The following RANBP3 variants were observed in gnomAD, a reference collection of about 807,000 sequenced individuals.
RANBP3 encodes the protein RAN binding protein 3.
RANBP3 carries 14 observed loss-of-function variants against 77.3 expected under a neutral mutation model. The observed-to-expected ratio is 0.18, with a 90% CI of 0.12 to 0.28. RANBP3 has a LOEUF of 0.28. Ranked by LOEUF, RANBP3 falls within the 10% of genes least tolerant of loss-of-function variation. The pLI is 1.00. For missense variants in RANBP3, 586 were observed against 752.3 expected, an observed-to-expected ratio of 0.78 and a Z score of 2.59; for synonymous variants, 315 against 312.4, an observed-to-expected ratio of 1.01 and a Z score of -0.09.
chr19:5,976,976 G>A (rs1336929938), intron 1 of RANBP3, among the ~76,000 whole-genome samples: 1 of 152,190 alleles, frequency 6.6e-6, no homozygotes, highest in Non-Finnish European at 1.5e-5. Context: ...TCCTCATCAA[G>A]TGAATGGGGC....
Position 5,959,990 on chromosome 19 carries a change from T to G in RANBP3, c.23-2017A>C, listed in dbSNP as rs1490325240. 1.3e-5 allele frequency among the ~76,000 whole-genome samples: 2 copies of G among 152,086 alleles called. No homozygotes were observed. The highest frequency in any genetic ancestry group is 2.9e-5 in the Non-Finnish European group (2 of 68,000). ...CAGGCCTGACAAGAAGAGTCCCGCA[T>G]GCATCGTCTAACACATGGCACATGA... On this transcript the variant is annotated intron_variant, in intron 1 of 16. Coordinates refer to ENST00000340578, the MANE Select transcript of RANBP3 (RefSeq NM_007322.3). This position sits in a 1 kb window ranked among gnomAD's most constrained non-coding sequence, Gnocchi z 5.1.
At chr19:5,963,858 G>A (rs887429166) in intron 1 of RANBP3, among the ~76,000 whole-genome samples, 7 of 152,096 alleles carry the variant, frequency 4.6e-5, no homozygotes, top group African/African-American at 1.7e-4. Context: ...CAGAACCCTC[G>A]TCCCATCTAG....
rs1033747533 is a variant in RANBP3, at chr19:5,916,881, G to T, written c.*729C>A. Reference sequence around the variant, plus strand: ...ATGACTTGGCCTGGAGGAACCTGGGGTGGGAAACAAGTAGTCCCCCAACCT... The same window carrying T: ...ATGACTTGGCCTGGAGGAACCTGGGTTGGGAAACAAGTAGTCCCCCAACCT... On this transcript the variant is annotated 3_prime_UTR_variant, in exon 17 of 17. Coordinates refer to ENST00000340578, the MANE Select transcript of RANBP3 (RefSeq NM_007322.3). 1 of 152,382 alleles carries T rather than the reference G, an allele frequency of 6.6e-6. No individual in the cohort carries two copies. Among genetic ancestry groups the T allele is most frequent in the African/African-American group, 2.4e-5 (1 of 41,460 alleles). 9.4% of individuals were successfully genotyped at this position (152,382 alleles called of 1,614,324 possible).
chr19:5,925,785 G>T, intron 9 of RANBP3, 48 bp from the exon 10 acceptor site: 1 of 1,495,402 alleles, frequency 6.7e-7, no homozygotes, highest in South Asian at 1.1e-5. Context: ...GGGGGTGCCT[G>T]GAGTTCCACA....
chr19:5,936,822 C>T (rs114900219), intron 5 of RANBP3, among the ~76,000 whole-genome samples: 3,109 of 152,084 alleles, frequency 0.02, 116 homozygotes, highest in African/African-American at 0.07. Context: ...TTGACACAAT[C>T]GATCAAGGAA....
chr19:5,932,968 G>A (rs2058014275), intron 6 of RANBP3: 1 of 267,946 alleles, frequency 3.7e-6, no homozygotes, highest in Non-Finnish European at 7.2e-6. Flanking sequence ...AAGGCAGATG[G>A]GACAAGGACC....
At chr19:5,957,491 G>T (rs370800250) in intron 2 of RANBP3, among the ~76,000 whole-genome samples, 1 of 151,986 alleles carries the variant, frequency 6.6e-6, no homozygotes, top group Non-Finnish European at 1.5e-5. Context: ...AGGCTTAAAG[G>T]TCTTGTTTCC....
chr19:5,924,932 G>C lies in RANBP3; in HGVS notation c.918-27C>G, dbSNP rs1198789978. 17 of 1,599,754 alleles carry C rather than the reference G, an allele frequency of 1.1e-5. No homozygotes were observed. The South Asian group carries it at 1.4e-4, about 13-fold the overall frequency. The stretch of plus-strand genomic sequence containing the variant: ...TGAAGAGAAGATGTGCAATGAGTGT[G>C]GGGCGTCACGTGGGAACGTGGCCAG... On this transcript the variant is annotated intron_variant, in intron 10 of 16. Coordinates refer to ENST00000340578, the MANE Select transcript of RANBP3 (RefSeq NM_007322.3). This position sits in a 1 kb window ranked among gnomAD's most constrained non-coding sequence, Gnocchi z 4.7.
intron 2 of RANBP3, among the ~76,000 whole-genome samples, chr19:5,954,222 G>A (rs1230799945): frequency 1.3e-5 from 2 of 152,142 alleles, no homozygotes; most frequent in East Asian, 1.9e-4. Context: ...GCACCCCATC[G>A]GGTGTGGTCT....
At chr19:5,930,495 G>T (rs2057974302) in intron 8 of RANBP3, among the ~76,000 whole-genome samples, 1 of 152,184 alleles carries the variant, frequency 6.6e-6, no homozygotes, top group African/African-American at 2.4e-5. Context: ...CTTCATCAAA[G>T]GCCCTTATTT....
At position 5,958,925 on chromosome 19, in the gene RANBP3, G is replaced by A. The variant is rs965574528; in HGVS notation, c.23-952C>T. 6.6e-6 allele frequency among the ~76,000 whole-genome samples: 1 copy of A among 152,248 alleles called. No individual in the cohort carries two copies. The highest frequency in any genetic ancestry group is 6.5e-5 in the Admixed American group (1 of 15,294). On this transcript the variant is annotated intron_variant, in intron 1 of 16. Coordinates refer to ENST00000340578, the MANE Select transcript of RANBP3 (RefSeq NM_007322.3). This position sits in a 1 kb window ranked among gnomAD's most constrained non-coding sequence, Gnocchi z 4.4. The stretch of plus-strand genomic sequence containing the variant: ...GCGGGCTGCGCACTGGTGCCTCCGC[G>A]TTGAGCAGGGTTTGGGAAGAGCCCT...
Position 5,937,056 on chromosome 19 carries a change from C to CAAAAAAAAAAAAAA in RANBP3, c.407-3591_407-3578dup, listed in dbSNP as rs71172783. On this transcript the variant is annotated intron_variant, in intron 5 of 16. Coordinates refer to ENST00000340578, the MANE Select transcript of RANBP3 (RefSeq NM_007322.3). ...GGGCAACAGAGCAAGACTCTGTCTC[C>CAAAAAAAAAAAAAA]AAAAAAAAAAAAAAAAAAAAAAAAA... Among the ~76,000 whole-genome samples the CAAAAAAAAAAAAAA allele has an allele frequency of 6.7e-3, 249 of 37,178 alleles. 21 individuals carry two copies. The highest frequency in any genetic ancestry group is 0.045 in the Middle Eastern group (1 of 22). The allele number at this position is 37,178 out of a possible 152,430, so 24.4% of individuals were successfully genotyped here. A position where few individuals can be genotyped will look rare whatever the true frequency, so the allele number is the denominator to read the frequency against.
At position 5,958,725 on chromosome 19, in the gene RANBP3, C is replaced by G. The variant is rs1173559377; in HGVS notation, c.23-752G>C. On this transcript the variant is annotated intron_variant, in intron 1 of 16. Transcript: ENST00000340578. This position sits in a 1 kb window ranked among gnomAD's most constrained non-coding sequence, Gnocchi z 4.4. ...GCACAGGAAGCACAGATGAGGACTG[C>G]CTCGACCCCACGAGGAGGCGCAGAC... 6.6e-6 allele frequency among the ~76,000 whole-genome samples: 1 copy of G among 152,266 alleles called. No individual in the cohort carries two copies. Among genetic ancestry groups the G allele is most frequent in the Non-Finnish European group, 1.5e-5 (1 of 68,050 alleles).
rs1293734802 is a variant in RANBP3, at chr19:5,932,547, A to G, written c.473-3T>C. 3.1e-6 allele frequency: 5 copies of G among 1,613,050 alleles called. No individual in the cohort carries two copies. The highest frequency in any genetic ancestry group is 4.2e-6 in the Non-Finnish European group (5 of 1,179,810). The stretch of plus-strand genomic sequence containing the variant: ...CTTGGGCTTCTGGCTTGGCAGACCT[A>G]GGAACAGAAGGCGGCCTTCCCAGTG... On this transcript the variant is annotated splice_polypyrimidine_tract_variant and splice_region_variant and intron_variant, in intron 6 of 16. Transcript: ENST00000340578.
rs575919236 is a variant in RANBP3, at chr19:5,931,504, C to A, written c.593G>T (p.Ser198Ile). The A allele has an allele frequency of 3.5e-5, 56 of 1,611,638 alleles. 1 individual carries two copies. In the South Asian group the frequency reaches 5.4e-4, roughly 16 times the overall value. Residue 198 changes from serine (S) to isoleucine (I), a missense_variant, in exon 8 of 17, where the codon AGC becomes ATC. Transcript: ENST00000340578. ...TGCCCCCGTGCAGTCTGCTGGGAGG[C>A]TGACCCCGTTGGTGCCACTGCTGGG... ...TVPSSGTNGV[S>I]LPADCTGAVP...
At chr19:5,940,748 T>C (rs1456212715) in intron 5 of RANBP3, among the ~76,000 whole-genome samples, 8 of 152,256 alleles carry the variant, frequency 5.3e-5, no homozygotes, top group African/African-American at 1.9e-4. Flanking sequence ...CACTCATGTA[T>C]GTCCAAGTTG....
chr19:5,967,703 T>C (rs993091785), intron 1 of RANBP3, among the ~76,000 whole-genome samples: 13 of 152,126 alleles, frequency 8.5e-5, no homozygotes, highest in East Asian at 1.9e-4. Context: ...CATAAAGTTA[T>C]ACAAAGTCAG....
intron 2 of RANBP3, among the ~76,000 whole-genome samples, chr19:5,956,689 G>A (rs1281971296): frequency 6.6e-6 from 1 of 151,992 alleles, no homozygotes; most frequent in Non-Finnish European, 1.5e-5. Context: ...ACACACACCC[G>A]ATCCCCACAG....
At position 5,957,941 on chromosome 19, in the gene RANBP3, A is replaced by G; in HGVS notation, c.55T>C (p.Phe19Leu). 1 of 1,614,242 alleles carries G rather than the reference A, an allele frequency of 6.2e-7. No homozygotes were observed. The change falls in exon 2 of 17, where the codon TTT becomes CTT. Residue 19 changes from phenylalanine (F) to leucine (L), a missense_variant. Around this residue, in one of 5 missense-constraint regions of RANBP3, gnomAD observed 172 missense variants for 183.4 expected, o/e 0.94. Coordinates refer to ENST00000340578, the MANE Select transcript of RANBP3 (RefSeq NM_007322.3). ...ACCTTTTGTCCTTTATCCTTCTGAA[A>G]CACAAAGACGGGCGGAGCAATGGCA... ...KPAIAPPVFV[F>L]QKDKGQKSPA... is the part of the protein sequence containing the mutation.
Sources: gnomAD v4.1 joint callset for allele counts (sites outside exome capture counted in the v4.1 genomes callset) on GRCh38, gnomAD v4.1.1 for gene constraint, gnomAD v4.1.1 regional missense constraint, Gnocchi (gnomAD v3.1) non-coding constraint, MANE v1.5 for transcripts, NCBI Gene and HGNC (gene_info 2026-07-23, HGNC 2026-07-21) for gene names.